Variants in GAS7 observed in about 807,000 individuals in gnomAD.
The protein encoded by GAS7 is growth arrest specific 7, also known as growth arrest-specific protein 7.
GAS7 carries 28 observed loss-of-function variants against 71.1 expected under a neutral mutation model. The ratio of observed to expected loss-of-function variants is 0.39; its 90% CI spans 0.29 to 0.54. The LOEUF (loss-of-function observed/expected upper bound fraction) is 0.54. Among genes scored for constraint, GAS7 ranks in the 20% least tolerant of loss-of-function variants. The pLI is 0.62. For missense variants in GAS7, 436 were observed against 627.8 expected (o/e 0.69, Z 3.27); for synonymous variants, 258 against 245.8 (o/e 1.05, Z -0.46).
intron 7 of GAS7, 43 bp downstream of exon 7, chr17:9,943,078 C>A (rs760570260): frequency 1.5e-6 from 2 of 1,304,550 alleles, no homozygotes. Flanking sequence ...CCCCGGGGAA[C>A]ACTGGTGCCA....
chr17:10,166,672 T>C (rs1423544379), intron 1 of GAS7, among the ~76,000 whole-genome samples: 1 of 152,250 alleles, frequency 6.6e-6, no homozygotes, highest in African/African-American at 2.4e-5. Flanking sequence ...ACATGGTATT[T>C]TGCAGCCTTT....
At chr17:10,020,598 T>A (rs1384544820) in intron 1 of GAS7, among the ~76,000 whole-genome samples, 1 of 151,866 alleles carries the variant, frequency 6.6e-6, no homozygotes, top group Non-Finnish European at 1.5e-5. Flanking sequence ...ACTAGATATC[T>A]AGTAGACAGA....
chr17:10,185,293 C>G (rs917379372), intron 1 of GAS7, among the ~76,000 whole-genome samples: 3 of 152,104 alleles, frequency 2.0e-5, no homozygotes, highest in African/African-American at 7.2e-5. Context: ...CTAGGAGAGT[C>G]CAGAGAGGGC....
chr17:9,989,239 T>A (rs959468514), intron 2 of GAS7, among the ~76,000 whole-genome samples: 4 of 152,138 alleles, frequency 2.6e-5, no homozygotes, highest in Non-Finnish European at 4.4e-5. Context: ...ACTCACCGTG[T>A]CTGAGCTCTA....
At chr17:9,950,109 C>T (rs2068947578) in intron 5 of GAS7, among the ~76,000 whole-genome samples, 1 of 152,010 alleles carries the variant, frequency 6.6e-6, no homozygotes, top group Non-Finnish European at 1.5e-5. Flanking sequence ...AGTGATCCAC[C>T]CTCCTCGGCC....
chr17:10,122,980 C>T (rs2073916663), intron 1 of GAS7, among the ~76,000 whole-genome samples: 1 of 152,122 alleles, frequency 6.6e-6, no homozygotes, highest in African/African-American at 2.4e-5. Flanking sequence ...TACAGGTGCA[C>T]ACCACCACGC....
intron 2 of GAS7, among the ~76,000 whole-genome samples, chr17:9,999,101 G>A (rs993147018): frequency 3.9e-5 from 6 of 152,284 alleles, no homozygotes; most frequent in African/African-American, 1.2e-4. Flanking sequence ...GCATTTTTCC[G>A]CTTATGCATC....
At chr17:9,918,335 C>T (rs746527314) in intron 12 of GAS7, among the ~76,000 whole-genome samples, 3 of 152,304 alleles carry the variant, frequency 2.0e-5, no homozygotes, top group South Asian at 2.1e-4. Flanking sequence ...GAGGGCTTTA[C>T]GTGCGTTCCT....
intron 2 of GAS7, among the ~76,000 whole-genome samples, chr17:9,996,528 A>G (rs1234194270): frequency 1.3e-5 from 2 of 150,988 alleles, no homozygotes; most frequent in South Asian, 2.1e-4. Flanking sequence ...ATATGTAACT[A>G]ACCTGTGCAC....
intron 1 of GAS7, among the ~76,000 whole-genome samples, chr17:10,112,082 A>C (rs1041248409): frequency 6.6e-6 from 1 of 152,198 alleles, no homozygotes; most frequent in African/African-American, 2.4e-5. Flanking sequence ...TGCCATCCTC[A>C]GAGAGTTCTA....
intron 4 of GAS7, among the ~76,000 whole-genome samples, chr17:9,965,306 C>T (rs2069661583): frequency 1.3e-5 from 2 of 152,038 alleles, no homozygotes; most frequent in South Asian, 2.1e-4. Context: ...GAAAATGTGG[C>T]ATATATACAT....
intron 1 of GAS7, among the ~76,000 whole-genome samples, chr17:10,102,168 C>G (rs12936792): frequency 0.17 from 20,536 of 122,088 alleles, 1,874 homozygotes; most frequent in East Asian, 0.39. Flanking sequence ...TGAAAGAAAT[C>G]TGATTGATCT....
chr17:10,010,414 A>G (rs1438290430), intron 2 of GAS7, among the ~76,000 whole-genome samples: 1 of 152,140 alleles, frequency 6.6e-6, no homozygotes, highest in Non-Finnish European at 1.5e-5. Context: ...AGCCTCCCAA[A>G]GTGCTGGGTT....
intron 1 of GAS7, among the ~76,000 whole-genome samples, chr17:10,044,830 G>A (rs917132397): frequency 1.3e-5 from 2 of 152,008 alleles, no homozygotes; most frequent in Non-Finnish European, 2.9e-5. Flanking sequence ...CGAGGCGGGC[G>A]GATCATGAGG....
chr17:10,077,498 C>T (rs2073407771), intron 1 of GAS7, among the ~76,000 whole-genome samples: 1 of 152,118 alleles, frequency 6.6e-6, no homozygotes, highest in South Asian at 2.1e-4. Context: ...TGCAGAAGCT[C>T]AGAAAGGCCC....
chr17:10,186,193 G>C (rs2074451869), intron 1 of GAS7, among the ~76,000 whole-genome samples: 1 of 151,632 alleles, frequency 6.6e-6, no homozygotes, highest in South Asian at 2.1e-4. Flanking sequence ...TCCTGATCTT[G>C]TGATCCGCCT....
At chr17:10,063,296 C>G (rs868629575) in intron 1 of GAS7, among the ~76,000 whole-genome samples, 1 of 151,846 alleles carries the variant, frequency 6.6e-6, no homozygotes, top group Non-Finnish European at 1.5e-5. Flanking sequence ...GTTTGTGTGT[C>G]TGTGTGTGTG....
chr17:10,042,580 T>C (rs2072888730), intron 1 of GAS7, among the ~76,000 whole-genome samples: 2 of 152,140 alleles, frequency 1.3e-5, no homozygotes, highest in South Asian at 4.2e-4. Context: ...GGAAGCTAAG[T>C]CGCAAACATG....
intron 8 of GAS7, among the ~76,000 whole-genome samples, chr17:9,936,631 T>C (rs753066248): frequency 2.0e-5 from 3 of 152,086 alleles, no homozygotes; most frequent in Non-Finnish European, 2.9e-5. Flanking sequence ...CTCTTTGGAG[T>C]CACATCACCA....
Sources: gnomAD v4.1 joint callset for allele counts (sites outside exome capture counted in the v4.1 genomes callset) on GRCh38, gnomAD v4.1.1 for gene constraint, MANE v1.5 for transcripts, NCBI Gene and HGNC (gene_info 2026-07-23, HGNC 2026-07-21) for gene names.